Variants in PCDH15 observed in about 807,000 individuals in gnomAD.
The protein encoded by PCDH15 is protocadherin related 15, also known as protocadherin-15.
A neutral mutation model predicts 178.5 loss-of-function variants in PCDH15; 129 were observed. The observed-to-expected ratio is 0.72, with a 90% CI of 0.63 to 0.84. The LOEUF is 0.84. Ranked by LOEUF, PCDH15 falls within the 40% of genes least tolerant of loss-of-function variation. The pLI is 0.00. For missense variants in PCDH15, 2,230 were observed against 2,099.9 expected, an observed-to-expected ratio of 1.06 and a Z score of -1.21; for synonymous variants, 800 against 732.0, an observed-to-expected ratio of 1.09 and a Z score of -1.50.
At chr10:53,811,953 C>G (rs2075879786) in intron 35 of PCDH15, among the ~76,000 whole-genome samples, 1 of 152,120 alleles carries the variant, frequency 6.6e-6, no homozygotes, top group African/African-American at 2.4e-5. Context: ...AATTATCAAT[C>G]AATAGTTAAT....
At chr10:54,461,649 A>G (rs2136467687) in intron 3 of PCDH15, among the ~76,000 whole-genome samples, 1 of 152,320 alleles carries the variant, frequency 6.6e-6, no homozygotes, top group South Asian at 2.1e-4. Context: ...AATATTAAAT[A>G]TTGCTTCAGA....
chr10:55,290,250 G>A (rs1203251283), intron 1 of PCDH15, among the ~76,000 whole-genome samples: 1 of 151,738 alleles, frequency 6.6e-6, no homozygotes, highest in Non-Finnish European at 1.5e-5. Context: ...ACCTATTAAT[G>A]TCTATAAATG....
intron 2 of PCDH15, among the ~76,000 whole-genome samples, chr10:55,400,798 C>T (rs1838043621): frequency 6.6e-6 from 1 of 152,028 alleles, no homozygotes; most frequent in Non-Finnish European, 1.5e-5. Flanking sequence ...CTAACTTGCC[C>T]TCATTCCAAC....
Position 54,343,169 on chromosome 10 carries a change from GTC to G in PCDH15, c.594+3194_594+3195del, listed in dbSNP as rs1431338319. Among the ~76,000 whole-genome samples the G allele has an allele frequency of 6.6e-5, 10 of 152,260 alleles. No individual in the cohort carries two copies. The South Asian group carries it at 1.9e-3, about 28-fold the overall frequency. ...GGCCATGGTTGGAATTATATGGTTT[GTC>G]TCTGTGTCCCGACTAAAATCTCATG... On this transcript the variant is annotated intron_variant, in intron 6 of 37. Transcript: ENST00000644397.
intron 2 of PCDH15, among the ~76,000 whole-genome samples, chr10:55,041,599 GC>G (rs1336643935): frequency 1.3e-5 from 2 of 151,992 alleles, no homozygotes; most frequent in Non-Finnish European, 2.9e-5. Context: ...AAGAATGGCA[GC>G]AGGCAAATCT....
chr10:55,492,632 A>G (rs1298288838), intron 2 of PCDH15, among the ~76,000 whole-genome samples: 1 of 151,732 alleles, frequency 6.6e-6, no homozygotes, highest in East Asian at 2.0e-4. Context: ...TGTAAGACCT[A>G]ATATTTTCTA....
At position 55,000,838 on chromosome 10, in the gene PCDH15, C is replaced by T. The variant is rs147781358; in HGVS notation, c.-79-103338G>A. On this transcript the variant is annotated intron_variant, in intron 2 of 5. Coordinates refer to the PCDH15 transcript ENST00000458638. ...AGAGCTGCACCTGTCCAGTCACAGTCCAGACTCCAGCATCCCTGAACTCTT... is the reference window on the plus strand; with the variant it reads ...AGAGCTGCACCTGTCCAGTCACAGTTCAGACTCCAGCATCCCTGAACTCTT... Among the ~76,000 whole-genome samples, 330 of 152,182 alleles carry T rather than the reference C, an allele frequency of 2.2e-3. 1 individual carries two copies. Among genetic ancestry groups the T allele is most frequent in the African/African-American group, 7.5e-3 (311 of 41,496 alleles).
chr10:53,953,445 C>A (rs1449687179), intron 23 of PCDH15, among the ~76,000 whole-genome samples: 3 of 152,134 alleles, frequency 2.0e-5, no homozygotes, highest in Non-Finnish European at 4.4e-5. Context: ...TCTACTATAA[C>A]TCTGGCCATT....
At chr10:54,941,224 T>C (rs1838054170) in intron 2 of PCDH15, among the ~76,000 whole-genome samples, 3 of 152,104 alleles carry the variant, frequency 2.0e-5, no homozygotes, top group Admixed American at 2.0e-4. Context: ...TATTTTAAAC[T>C]ACTTCACCTC....
intron 2 of PCDH15, among the ~76,000 whole-genome samples, chr10:55,588,353 T>C (rs1842768894): frequency 6.6e-6 from 1 of 152,180 alleles, no homozygotes; most frequent in Non-Finnish European, 1.5e-5. Flanking sequence ...ATTTTTACTG[T>C]TCAAAGCTGA....
chr10:54,985,016 A>G (rs1188460977), intron 2 of PCDH15, among the ~76,000 whole-genome samples: 1 of 152,128 alleles, frequency 6.6e-6, no homozygotes, highest in African/African-American at 2.4e-5. Flanking sequence ...TGGGTAAGTA[A>G]AAGTATCACA....
intron 2 of PCDH15, among the ~76,000 whole-genome samples, chr10:55,576,203 T>C (rs957537596): frequency 6.6e-6 from 1 of 152,172 alleles, no homozygotes; most frequent in Non-Finnish European, 1.5e-5. Flanking sequence ...TAACAAATAT[T>C]TTTCATATCA....
intron 1 of PCDH15, among the ~76,000 whole-genome samples, chr10:55,270,314 G>T (rs143576272): frequency 6.6e-6 from 1 of 152,054 alleles, no homozygotes; most frequent in East Asian, 1.9e-4. Context: ...AAGAGTGTCT[G>T]CACAGAAAAA....
At chr10:53,990,514 A>ATATATATATATGTTC (rs1554898228) in intron 21 of PCDH15, among the ~76,000 whole-genome samples, 42 of 146,614 alleles carry the variant, frequency 2.9e-4, no homozygotes, top group East Asian at 1.2e-3. Flanking sequence ...TATATGTTAT[A>ATATATATATATGTTC]TATATATATG....
At chr10:53,991,251 A>C (rs373798045) in intron 21 of PCDH15, among the ~76,000 whole-genome samples, 1 of 152,300 alleles carries the variant, frequency 6.6e-6, no homozygotes, top group South Asian at 2.1e-4. Flanking sequence ...CGTGGGATCC[A>C]CTAGCCAAAG....
At chr10:55,466,124 A>T (rs944723562) in intron 2 of PCDH15, among the ~76,000 whole-genome samples, 6 of 152,162 alleles carry the variant, frequency 3.9e-5, no homozygotes, top group Non-Finnish European at 8.8e-5. Flanking sequence ...AAATATGCAC[A>T]GAGATTACTA....
intron 1 of PCDH15, among the ~76,000 whole-genome samples, chr10:54,757,354 C>G (rs1947292532): frequency 1.2e-5 from 1 of 84,724 alleles, no homozygotes; most frequent in Admixed American, 1.2e-4. Context: ...GCGATCTCGA[C>G]TCACTGCAAG....
At chr10:54,832,356 T>C (rs939284558) in intron 3 of PCDH15, among the ~76,000 whole-genome samples, 1 of 56,978 alleles carries the variant, frequency 1.8e-5, no homozygotes, top group African/African-American at 5.8e-5. Context: ...TAATATTTTA[T>C]AACATGTCTA....
intron 9 of PCDH15, among the ~76,000 whole-genome samples, chr10:54,219,452 G>T (rs1361373391): frequency 1.3e-5 from 2 of 150,996 alleles, no homozygotes; most frequent in African/African-American, 4.9e-5. Flanking sequence ...AATTAGCCAG[G>T]CTTGGTGGCG....
Sources: allele counts gnomAD v4.1 joint callset (sites outside exome capture counted in the v4.1 genomes callset), GRCh38; gene constraint gnomAD v4.1.1; transcripts MANE v1.5; gene names NCBI Gene and HGNC (gene_info 2026-07-23, HGNC 2026-07-21).